The following ABCA1 variants were observed in gnomAD, a reference collection of about 807,000 sequenced individuals.
ABCA1 encodes phospholipid-transporting ATPase ABCA1.
In ABCA1, 133 loss-of-function variants were observed where a neutral mutation model predicts 262.5. The ratio of observed to expected loss-of-function variants is 0.51; its 90% CI spans 0.44 to 0.59. The LOEUF is 0.59. Among genes scored for constraint, ABCA1 ranks in the 20% least tolerant of loss-of-function variants. The pLI is 0.00. For synonymous variants in ABCA1, 1,022 were observed against 1,043.5 expected (o/e 0.98, Z 0.40); for missense variants, 2,452 against 2,777.5 (o/e 0.88, Z 2.63).
chr9:104,908,194 T>G (rs1019569839), intron 1 of ABCA1, among the ~76,000 whole-genome samples: 12 of 152,216 alleles, frequency 7.9e-5, no homozygotes, highest in Admixed American at 7.8e-4. Flanking sequence ...CACTGTGGAA[T>G]TGTAAAATGG....
In ABCA1 at chr9:104,810,769, C is replaced by A. The variant is rs41354653; in HGVS notation, c.4175+31G>T. On this transcript the variant is annotated intron_variant, in intron 29 of 49. Coordinates refer to ENST00000374736, the MANE Select transcript of ABCA1 (RefSeq NM_005502.4). Reference sequence around the variant, plus strand: ...ACATCTTTGGTCTGCTCGAATCTTACCCCCTCCTGGGATGTAGAAGACAAA... The same window carrying A: ...ACATCTTTGGTCTGCTCGAATCTTAACCCCTCCTGGGATGTAGAAGACAAA... The A allele has an allele frequency of 8.1e-5, 130 of 1,614,072 alleles. No homozygotes were observed. In the East Asian group the frequency reaches 2.7e-3, roughly 33 times the overall value.
At chr9:104,837,811 T>G (rs1833956230) in intron 9 of ABCA1, among the ~76,000 whole-genome samples, 1 of 152,212 alleles carries the variant, frequency 6.6e-6, no homozygotes, top group Non-Finnish European at 1.5e-5. Flanking sequence ...AGAATGATGC[T>G]TGATAAATAA....
intron 5 of ABCA1, among the ~76,000 whole-genome samples, chr9:104,871,416 T>C (rs1019225345): frequency 6.6e-6 from 1 of 152,144 alleles, no homozygotes; most frequent in South Asian, 2.1e-4. Context: ...GTCCCTAGAA[T>C]GAGGGTTGAA....
chr9:104,857,813 C>G lies in ABCA1; in HGVS notation c.720+709G>C, dbSNP rs188939694. Among the ~76,000 whole-genome samples the G allele has an allele frequency of 3.9e-5, 6 of 152,260 alleles. No individual in the cohort carries two copies. In the East Asian group the frequency reaches 1.2e-3, roughly 29 times the overall value. On this transcript the variant is annotated intron_variant, in intron 7 of 49. Coordinates refer to ENST00000374736, the MANE Select transcript of ABCA1 (RefSeq NM_005502.4). ...ATCTGGTGAGTAGAAAACCAGAATCCTGGATATTAAATGATGATGTTTGGG... is the reference window on the plus strand; with the variant it reads ...ATCTGGTGAGTAGAAAACCAGAATCGTGGATATTAAATGATGATGTTTGGG...
At chr9:104,922,180 G>A (rs1264287540) in intron 1 of ABCA1, among the ~76,000 whole-genome samples, 3 of 152,136 alleles carry the variant, frequency 2.0e-5, no homozygotes, top group Admixed American at 6.5e-5. Flanking sequence ...TGTGGTCTTC[G>A]TAGAATGGAG....
intron 19 of ABCA1, among the ~76,000 whole-genome samples, chr9:104,822,276 C>A (rs564879282): frequency 6.6e-6 from 1 of 152,206 alleles, no homozygotes; most frequent in Non-Finnish European, 1.5e-5. Flanking sequence ...TGGGAAAGGT[C>A]ATCTGAGGCC....
intron 39 of ABCA1, 77 bp downstream of exon 39, chr9:104,795,976 A>G: frequency 6.3e-7 from 1 of 1,596,002 alleles, no homozygotes; most frequent in Non-Finnish European, 8.6e-7. Context: ...CAAGTGGAAT[A>G]AGATCACAAT....
intron 2 of ABCA1, among the ~76,000 whole-genome samples, chr9:104,893,796 T>G (rs1305928197): frequency 6.6e-6 from 1 of 152,162 alleles, no homozygotes; most frequent in Non-Finnish European, 1.5e-5. Context: ...GACATTCTAT[T>G]TGACACCACG....
intron 5 of ABCA1, among the ~76,000 whole-genome samples, chr9:104,867,459 T>C (rs1171597760): frequency 1.3e-5 from 2 of 152,210 alleles, no homozygotes; most frequent in Non-Finnish European, 2.9e-5. Flanking sequence ...ATATTCAGAA[T>C]AGACAAGACA....
chr9:104,816,203 A>G lies in ABCA1; in HGVS notation c.3678T>C (p.Asp1226=), dbSNP rs534524842. 3 of 1,614,182 alleles carry G rather than the reference A, an allele frequency of 1.9e-6. No homozygotes were observed. The African/African-American group carries it at 4.0e-5, about 22-fold the overall frequency. Residue 1226 remains aspartate (D), a synonymous_variant, in exon 25 of 50, where the codon GAT becomes GAC. Coordinates refer to ENST00000374736, the MANE Select transcript of ABCA1 (RefSeq NM_005502.4). ...AAATGCCCAGGTCTGAGAGCCGGTC[A>G]TCAATCTCATGAAAGAGTTCCACAA... ...GAFVELFHEI[D]DRLSDLGISS...
chr9:104,798,381 T>G (rs760559192), intron 37 of ABCA1, 40 bp downstream of exon 37: 1 of 1,608,562 alleles, frequency 6.2e-7, no homozygotes, highest in South Asian at 1.1e-5. Context: ...TCCATGGCCC[T>G]GACAGACATC....
intron 24 of ABCA1, 100 bp from the exon 25 acceptor site, chr9:104,816,445 T>C: frequency 9.1e-7 from 1 of 1,093,546 alleles, no homozygotes; most frequent in African/African-American, 1.5e-5. Flanking sequence ...CTGCCGCTCA[T>C]ACACCACACC....
chr9:104,910,117 G>C (rs900564755), intron 1 of ABCA1, among the ~76,000 whole-genome samples: 3 of 152,174 alleles, frequency 2.0e-5, no homozygotes, highest in Admixed American at 6.5e-5. Context: ...GCCTGAGCCA[G>C]GGCAGGTTCC....
intron 5 of ABCA1, among the ~76,000 whole-genome samples, chr9:104,868,833 G>C (rs1264066666): frequency 6.6e-6 from 1 of 152,184 alleles, no homozygotes; most frequent in Non-Finnish European, 1.5e-5. Context: ...GGACCTCTGG[G>C]ACCCAGGTCC....
At chr9:104,884,684 C>T (rs1838996624) in intron 3 of ABCA1, 116 bp from the exon 4 acceptor site, 1 of 1,220,504 alleles carries the variant, frequency 8.2e-7, no homozygotes, top group African/African-American at 1.5e-5. Flanking sequence ...TTCCCCACAT[C>T]CCAGAGACCT....
intron 11 of ABCA1, among the ~76,000 whole-genome samples, chr9:104,834,106 C>A (rs1375803257): frequency 6.7e-6 from 1 of 149,834 alleles, no homozygotes; most frequent in African/African-American, 2.4e-5. Context: ...CCCCCTTGCG[C>A]CTTTGTATTT....
chr9:104,830,701 T>A (rs796645712), intron 14 of ABCA1, among the ~76,000 whole-genome samples: 31 of 150,178 alleles, frequency 2.1e-4, no homozygotes, highest in African/African-American at 5.1e-4. Flanking sequence ...AAAAAAAAAA[T>A]AAAAATAAAA....
chr9:104,799,863 A>G lies in ABCA1; in HGVS notation c.4899T>C (p.Asn1633=). The G allele has an allele frequency of 1.2e-6, 2 of 1,614,168 alleles. No homozygotes were observed. The highest frequency in any genetic ancestry group is 1.7e-6 in the Non-Finnish European group (2 of 1,180,044). ...NPSHYGITAF[N]HPLNLTKQQL... is the part of the protein sequence containing the mutation. ...GCTGCTTGGTGAGATTCAGGGGATG[A>G]TTGAAAGCAGTAATTCCATAATGGC... The change falls in exon 36 of 50, where the codon AAT becomes AAC. Residue 1633 remains asparagine (N), a synonymous_variant. Coordinates refer to ENST00000374736, the MANE Select transcript of ABCA1 (RefSeq NM_005502.4).
At chr9:104,881,184 T>G (rs945624632) in intron 5 of ABCA1, among the ~76,000 whole-genome samples, 3 of 152,226 alleles carry the variant, frequency 2.0e-5, no homozygotes, top group South Asian at 2.1e-4. Flanking sequence ...GAAATTAGTG[T>G]TGTTTTAAGG....
Sources: gnomAD v4.1 joint callset for allele counts (sites outside exome capture counted in the v4.1 genomes callset) on GRCh38, gnomAD v4.1.1 for gene constraint, MANE v1.5 for transcripts, NCBI Gene and HGNC (gene_info 2026-07-23, HGNC 2026-07-21) for gene names.